POLE: variants seen among roughly 807,000 people sequenced by gnomAD.
POLE encodes DNA polymerase epsilon, catalytic subunit.
POLE carries 188 observed loss-of-function variants against 279.2 expected under a neutral mutation model. The observed-to-expected ratio is 0.67, with a 90% CI of 0.60 to 0.76. The LOEUF (loss-of-function observed/expected upper bound fraction) is 0.76, where lower values mean the gene tolerates loss of function less well. POLE is among the 30% of genes least tolerant of loss of function. The pLI, the probability that POLE is intolerant of heterozygous loss-of-function variation, is 0.00. For missense variants in POLE, 2,703 were observed against 3,016.7 expected (o/e 0.90, Z 2.44); for synonymous variants, 1,214 against 1,172.5 (o/e 1.04, Z -0.72).
Position 132,670,324 on chromosome 12 carries a change from C to T in POLE, c.1795-1385G>A, listed in dbSNP as rs577737411. Among the ~76,000 whole-genome samples, 300 of 151,540 alleles carry T rather than the reference C, an allele frequency of 2.0e-3. 2 individuals carry two copies. Among genetic ancestry groups the T allele is most frequent in the African/African-American group, 7.0e-3 (290 of 41,348 alleles). ...CCAGGAGGCAGAGGTTGTGGTGAGC[C>T]GAGATCATGCCATTGCACTCCAGCC... On this transcript the variant is annotated intron_variant, in intron 16 of 48. Transcript: ENST00000320574.
rs540628324 is a variant in POLE at position 132,669,223 on chromosome 12, C to T, written c.1795-284G>A. Among the ~76,000 whole-genome samples the T allele has an allele frequency of 3.9e-5, 6 of 152,078 alleles. No homozygotes were observed. In the South Asian group the frequency reaches 1.0e-3, roughly 26 times the overall value. On this transcript the variant is annotated intron_variant, in intron 16 of 48. Transcript: ENST00000320574. ...TTCATGCTTGTAATCCTAGCACTTT[C>T]GGAGACCGAGGCCAGAGGATCACTT...
At chr12:132,665,031 G>A (rs1188366984) in intron 21 of POLE, among the ~76,000 whole-genome samples, 1 of 152,070 alleles carries the variant, frequency 6.6e-6, no homozygotes, top group Non-Finnish European at 1.5e-5. Flanking sequence ...TGAACGCGCT[G>A]GAAAATGGCA....
Position 132,633,063 on chromosome 12 carries a change from A to G in POLE, c.6005-268T>C, listed in dbSNP as rs1057023440. 6 of 341,336 alleles carry G rather than the reference A, an allele frequency of 1.8e-5. No individual in the cohort carries two copies. In the South Asian group the frequency reaches 3.9e-4, roughly 22 times the overall value. The allele number at this position is 341,336 out of a possible 1,614,324, so 21.1% of individuals were successfully genotyped here. On this transcript the variant is annotated intron_variant, in intron 43 of 48. Transcript: ENST00000320574. ...ATGTACACTAAGCCTCTCACTGGGT[A>G]GCGCGTGAAAGACAGCTCCCAACAC...
intron 32 of POLE, among the ~76,000 whole-genome samples, chr12:132,646,295 C>T (rs1289953170): frequency 6.6e-6 from 1 of 151,944 alleles, no homozygotes; most frequent in Non-Finnish European, 1.5e-5. Context: ...AGCACCCTCC[C>T]GGGTGATGGA....
chr12:132,658,831 T>C (rs780032716), intron 26 of POLE, among the ~76,000 whole-genome samples: 15 of 125,824 alleles, frequency 1.2e-4, no homozygotes, highest in Non-Finnish European at 2.2e-4. Flanking sequence ...ATTCTGGTGT[T>C]CATCAACCCC....
rs1017517142 is a variant in POLE, at chr12:132,675,909, C to T, written c.1021-89G>A. On this transcript the variant is annotated intron_variant, in intron 10 of 48. Coordinates refer to ENST00000320574, the MANE Select transcript of POLE (RefSeq NM_006231.4). This position sits in a 1 kb window ranked among gnomAD's most constrained non-coding sequence, Gnocchi z 4.3. ...TCTCCCAAAGTTCAGAAGCAGCAGC[C>T]TCATGTTGGCCCTTATTCCTGCCCC... 2 of 1,148,892 alleles carry T rather than the reference C, an allele frequency of 1.7e-6. No homozygotes were observed. The highest frequency in any genetic ancestry group is 2.6e-6 in the Non-Finnish European group (2 of 764,206). 71.2% of individuals were successfully genotyped at this position (1,148,892 alleles called of 1,614,324 possible). A position where few individuals can be genotyped will look rare whatever the true frequency, so the allele number is the denominator to read the frequency against.
At chr12:132,630,075 T>C (rs796511320) in intron 45 of POLE, among the ~76,000 whole-genome samples, 144 of 152,304 alleles carry the variant, frequency 9.5e-4, no homozygotes, top group African/African-American at 3.2e-3. Flanking sequence ...ATGAAGCTCA[T>C]TGTCTTCTAT....
Position 132,643,850 on chromosome 12 carries a change from AC to A in POLE, c.4276del (p.Val1426TyrfsTer27), listed in dbSNP as rs768776241. 1 of 1,613,858 alleles carries A rather than the reference AC, an allele frequency of 6.2e-7. No homozygotes were observed. The highest frequency in any genetic ancestry group is 1.7e-5 in the Admixed American group (1 of 59,986). On this transcript the variant is annotated frameshift_variant, in exon 33 of 49. Coordinates refer to ENST00000320574, the MANE Select transcript of POLE (RefSeq NM_006231.4). LOFTEE classifies it high-confidence loss of function. ...AELSAPDIEG[V>X]YETQVPLLFR... is the part of the protein sequence containing the mutation. ...CTGGGGAGTCACCTGAGTCTCATAT[AC>A]GCCCTCGATGTCTGGCGCTGACAGC...
intron 2 of POLE, 96 bp downstream of exon 2, chr12:132,681,042 T>G: frequency 7.1e-7 from 1 of 1,418,436 alleles, no homozygotes; most frequent in Non-Finnish European, 9.6e-7. Flanking sequence ...TCACTCAAAG[T>G]TCCCTCATGT....
intron 39 of POLE, among the ~76,000 whole-genome samples, chr12:132,640,620 A>G (rs2042122165): frequency 2.0e-5 from 3 of 152,262 alleles, no homozygotes; most frequent in Admixed American, 6.5e-5. Context: ...CAATTCAGCT[A>G]AAGGATTCCA....
chr12:132,632,827 A>G, intron 43 of POLE, 32 bp from the exon 44 acceptor site: 1 of 1,564,348 alleles, frequency 6.4e-7, no homozygotes, highest in African/African-American at 1.4e-5. Flanking sequence ...ACAGGCCCTG[A>G]GTCGGGCTGC....
rs757323968 is a variant in POLE, at chr12:132,657,969, C to T, written c.3277G>A (p.Ala1093Thr). 2 of 1,608,526 alleles carry T rather than the reference C, an allele frequency of 1.2e-6. No individual in the cohort carries two copies. The highest frequency in any genetic ancestry group is 3.3e-5 in the Admixed American group (2 of 60,002). The change falls in exon 27 of 49, where the codon GCC becomes ACC. Residue 1093 changes from alanine to threonine, a missense_variant and splice_region_variant. Physicochemically the swap from Ala to Thr is moderately conservative, Grantham distance 58 (BLOSUM62 0). Transcript: ENST00000320574. ...GCTTGGAAAATGGCAAGTGGGATGG[C>T]CCTGGGTAAGGAAGACAGGCACACA... ...KPEGSPVTER[A>T]IPLAIFQAEP...
intron 29 of POLE, among the ~76,000 whole-genome samples, chr12:132,656,685 T>C (rs886400361): frequency 6.6e-6 from 1 of 152,232 alleles, no homozygotes; most frequent in African/African-American, 2.4e-5. Flanking sequence ...TCATGTGAGT[T>C]TGTATACTGC....
At chr12:132,682,571 C>G (rs7307845) in intron 1 of POLE, among the ~76,000 whole-genome samples, 74,292 of 151,950 alleles carry the variant, frequency 0.49, 18,941 homozygotes, top group Non-Finnish European at 0.57. Context: ...TTGTACTCTA[C>G]TTACACAAGA....
rs188109546 is a variant in POLE, at chr12:132,670,248, C to T, written c.1795-1309G>A. Among the ~76,000 whole-genome samples the T allele has an allele frequency of 2.0e-4, 30 of 150,286 alleles. No homozygotes were observed. In the East Asian group the frequency reaches 5.5e-3, roughly 28 times the overall value. On this transcript the variant is annotated intron_variant, in intron 16 of 48. Transcript: ENST00000320574. ...AAAATTACCCAGGCGTGGTGGCAAG[C>T]GCCTGTTATCCCAGCTACTCAGGAG... is the stretch of plus-strand genomic sequence containing the variant.
Position 132,624,579 on chromosome 12 carries a change from G to C in POLE, c.*118C>G, listed in dbSNP as rs138980040. 85 of 743,926 alleles carry C rather than the reference G, an allele frequency of 1.1e-4. No individual in the cohort carries two copies. The highest frequency in any genetic ancestry group is 1.9e-4 in the Non-Finnish European group (76 of 404,138). The allele number at this position is 743,926 out of a possible 1,614,324, so 46.1% of individuals were successfully genotyped here. On this transcript the variant is annotated 3_prime_UTR_variant, in exon 49 of 49. Coordinates refer to ENST00000320574, the MANE Select transcript of POLE (RefSeq NM_006231.4). ...GGTTTCCTCCCCGTTCCCTGGCCTG[G>C]GGTCACAGGTTTGGACAGTCAGGGT...
chr12:132,652,778 G>A lies in POLE; in HGVS notation c.3583-2889C>T, dbSNP rs569544362. On this transcript the variant is annotated intron_variant, in intron 29 of 48. Transcript: ENST00000320574. ...GGAGTCTGTTTCTAGGCTCCCAATCGGCTCTACTGCTCTCCTCTCATCTTG... is the reference window on the plus strand; with the variant it reads ...GGAGTCTGTTTCTAGGCTCCCAATCAGCTCTACTGCTCTCCTCTCATCTTG... Among the ~76,000 whole-genome samples, 8 of 152,202 alleles carry A rather than the reference G, an allele frequency of 5.3e-5. No individual in the cohort carries two copies. The East Asian group carries it at 9.6e-4, about 18-fold the overall frequency.
At position 132,639,535 on chromosome 12, in the gene POLE, G is replaced by GC. The variant is rs1284475842; in HGVS notation, c.5379-238dup. ...TCCTTAAACTTGTTCAGGCTTCACC[G>GC]CATCCCAAACTCTGTGTGTTCTAAA... On this transcript the variant is annotated intron_variant, in intron 39 of 48. Coordinates refer to ENST00000320574, the MANE Select transcript of POLE (RefSeq NM_006231.4). This position sits in a 1 kb window ranked among gnomAD's most constrained non-coding sequence, Gnocchi z 4.7. Among the ~76,000 whole-genome samples the GC allele has an allele frequency of 2.0e-5, 1 of 49,946 alleles. No homozygotes were observed. Among genetic ancestry groups the GC allele is most frequent in the African/African-American group, 1.3e-4 (1 of 7,634 alleles). The allele number at this position is 49,946 out of a possible 152,430, so 32.8% of individuals were successfully genotyped here. A position where few individuals can be genotyped will look rare whatever the true frequency, so the allele number is the denominator to read the frequency against.
chr12:132,648,352 G>A (rs2042336143), intron 32 of POLE, among the ~76,000 whole-genome samples: 1 of 151,842 alleles, frequency 6.6e-6, no homozygotes, highest in South Asian at 2.1e-4. Context: ...GGTGAGGGGA[G>A]GGGGAATATC....
Sources: allele counts gnomAD v4.1 joint callset (sites outside exome capture counted in the v4.1 genomes callset), GRCh38; gene constraint gnomAD v4.1.1; non-coding constraint Gnocchi (gnomAD v3.1); transcripts MANE v1.5; gene names NCBI Gene and HGNC (gene_info 2026-07-23, HGNC 2026-07-21).